RBPJ: variants seen among roughly 807,000 people sequenced by gnomAD.
RBPJ encodes the protein recombination signal binding protein for immunoglobulin kappa J region, also known as recombining binding protein suppressor of hairless.
Under a neutral mutation model 67.8 loss-of-function variants are expected in RBPJ, and 9 were observed. The observed-to-expected ratio is 0.13, with a 90% CI of 0.08 to 0.23. The LOEUF (loss-of-function observed/expected upper bound fraction) is 0.23. RBPJ is among the 10% of genes least tolerant of loss of function. RBPJ has a pLI of 1.00. For synonymous variants in RBPJ, 198 were observed against 203.3 expected, an observed-to-expected ratio of 0.97 and a Z score of 0.22; for missense variants, 305 against 595.6, an observed-to-expected ratio of 0.51 and a Z score of 5.08.
At chr4:26,165,665 C>A (rs7658482) in intron 1 of RBPJ, among the ~76,000 whole-genome samples, 84,300 of 151,500 alleles carry the variant, frequency 0.56, 23,659 homozygotes, top group South Asian at 0.68. Flanking sequence ...TGAAGTAAAG[C>A]TATTTTAAGG....
chr4:26,122,324 G>A, the RBPJ span, among the ~76,000 whole-genome samples: 1 of 152,120 alleles, frequency 6.6e-6, no homozygotes, highest in Non-Finnish European at 1.5e-5. Flanking sequence ...TTCCCATTAA[G>A]TTGATTTGGG....
chr4:26,228,981 T>C (rs1719181070), intron 1 of RBPJ, among the ~76,000 whole-genome samples: 1 of 152,208 alleles, frequency 6.6e-6, no homozygotes, highest in Non-Finnish European at 1.5e-5. Context: ...ATAAAACAAC[T>C]ATTGGCTGAT....
chr4:26,289,504 T>G, intron 1 of RBPJ, among the ~76,000 whole-genome samples: 1 of 146,998 alleles, frequency 6.8e-6, no homozygotes, highest in Admixed American at 6.8e-5. Context: ...GCAGCAGAGG[T>G]GAAAAGAGAA....
intron 1 of RBPJ, among the ~76,000 whole-genome samples, chr4:26,244,965 G>A (rs750753007): frequency 2.6e-4 from 39 of 151,326 alleles, no homozygotes; most frequent in African/African-American, 8.2e-4. Flanking sequence ...TTTAAATGCC[G>A]ATTGTTATTT....
chr4:26,219,937 A>G lies in RBPJ; in HGVS notation c.-167+56323A>G, dbSNP rs528842948. On this transcript the variant is annotated intron_variant, in intron 1 of 4. Coordinates refer to the RBPJ transcript ENST00000512351. ...ACCACAGGCACCCACCACCACGCCC[A>G]ACTAATTTTTTTTTTTTTTGTATTT... Among the ~76,000 whole-genome samples the G allele has an allele frequency of 4.0e-3, 411 of 104,008 alleles. 3 individuals are homozygous for G. The highest frequency in any genetic ancestry group is 0.013 in the African/African-American group (379 of 28,416). The allele number at this position is 104,008 out of a possible 152,430, so 68.2% of individuals were successfully genotyped here.
At chr4:26,155,469 C>G in the RBPJ span, among the ~76,000 whole-genome samples, 5 of 140,694 alleles carry the variant, frequency 3.6e-5, no homozygotes, top group African/African-American at 1.1e-4. Flanking sequence ...GAGTCTTGCT[C>G]TGTTGCCCAG....
intron 1 of RBPJ, among the ~76,000 whole-genome samples, chr4:26,287,857 C>T (rs1721534793): frequency 6.6e-6 from 1 of 151,718 alleles, no homozygotes; most frequent in Non-Finnish European, 1.5e-5. Context: ...TAGAAGAAGA[C>T]CAGGGAAGGG....
Position 26,430,870 on chromosome 4 carries a change from G to A in RBPJ, c.1327G>A (p.Ala443Thr). ...PEPGPRPHCSAAGAILRANSS... is the reference protein window; with the variant it reads ...PEPGPRPHCSTAGAILRANSS... ...ACCAGGGCCGCGGCCACATTGCAGT[G>A]CAGCAGGAGCAATCCTTCGAGCCAA... is the stretch of plus-strand genomic sequence containing the variant. Residue 443 changes from alanine to threonine, a missense_variant, in exon 11 of 11, where the codon GCA becomes ACA. Coordinates refer to ENST00000355476, the MANE Select transcript of RBPJ (RefSeq NM_015874.6). This position sits in a 1 kb window ranked among gnomAD's most constrained non-coding sequence, Gnocchi z 4.1. 2 of 1,614,012 alleles carry A rather than the reference G, an allele frequency of 1.2e-6. No individual in the cohort carries two copies. Among genetic ancestry groups the A allele is most frequent in the Non-Finnish European group, 1.7e-6 (2 of 1,180,006 alleles).
chr4:26,327,144 T>C (rs557408619), intron 1 of RBPJ, among the ~76,000 whole-genome samples: 30 of 152,272 alleles, frequency 2.0e-4, no homozygotes, highest in African/African-American at 7.2e-4. Flanking sequence ...AACATCATGG[T>C]GTTGCTTATG....
intron 1 of RBPJ, among the ~76,000 whole-genome samples, chr4:26,168,582 T>C (rs1716416021): frequency 6.6e-6 from 1 of 152,210 alleles, no homozygotes; most frequent in African/African-American, 2.4e-5. Context: ...AATATCTTTG[T>C]GGTGTTCTCT....
the RBPJ span, among the ~76,000 whole-genome samples, chr4:26,120,350 C>T: frequency 2.0e-5 from 3 of 152,122 alleles, no homozygotes; most frequent in Non-Finnish European, 4.4e-5. Flanking sequence ...AGTACCACTA[C>T]AGTAAACACC....
intron 3 of RBPJ, among the ~76,000 whole-genome samples, chr4:26,408,738 C>T (rs1440933713): frequency 6.6e-6 from 1 of 152,128 alleles, no homozygotes; most frequent in African/African-American, 2.4e-5. Flanking sequence ...TAAATGTGTC[C>T]AGGTTGACAT....
intron 2 of RBPJ, among the ~76,000 whole-genome samples, 184 bp from the exon 3 acceptor site, chr4:26,405,991 T>G (rs1213030577): frequency 6.6e-6 from 1 of 152,222 alleles, no homozygotes; most frequent in Non-Finnish European, 1.5e-5. Flanking sequence ...GCAGTATTCA[T>G]TGTATCATTG....
intron 2 of RBPJ, among the ~76,000 whole-genome samples, chr4:26,400,273 T>G (rs1286402600): frequency 6.6e-6 from 1 of 152,228 alleles, no homozygotes; most frequent in African/African-American, 2.4e-5. Context: ...TTCTTGACAT[T>G]TGGCACCATC....
intron 1 of RBPJ, among the ~76,000 whole-genome samples, chr4:26,178,480 C>T (rs533161563): frequency 1.1e-3 from 161 of 151,982 alleles, no homozygotes; most frequent in Non-Finnish European, 2.0e-3. Flanking sequence ...TGATGGTGCA[C>T]GCCTGTGGTC....
chr4:26,403,632 G>C (rs571445485), intron 2 of RBPJ, among the ~76,000 whole-genome samples: 1 of 152,112 alleles, frequency 6.6e-6, no homozygotes, highest in African/African-American at 2.4e-5. Context: ...GAGAACATGC[G>C]ATATTTGTTT....
At chr4:26,116,735 C>T in the RBPJ span, among the ~76,000 whole-genome samples, 1 of 152,214 alleles carries the variant, frequency 6.6e-6, no homozygotes, top group Non-Finnish European at 1.5e-5. Context: ...TTGTGGATGC[C>T]ACTGCCACCT....
chr4:26,109,513 T>TATGTAC, the RBPJ span, among the ~76,000 whole-genome samples: 1 of 47,474 alleles, frequency 2.1e-5, no homozygotes, highest in African/African-American at 1.1e-4. Flanking sequence ...TATATATATA[T>TATGTAC]ACACACACAC....
intron 1 of RBPJ, among the ~76,000 whole-genome samples, chr4:26,196,740 A>G (rs887262381): frequency 1.3e-5 from 2 of 152,154 alleles, no homozygotes; most frequent in African/African-American, 4.8e-5. Flanking sequence ...TTGAGATAAA[A>G]CAGATGTCGG....
Sources: gnomAD v4.1 joint callset for allele counts (sites outside exome capture counted in the v4.1 genomes callset) on GRCh38, gnomAD v4.1.1 for gene constraint, Gnocchi (gnomAD v3.1) non-coding constraint, MANE v1.5 for transcripts, NCBI Gene and HGNC (gene_info 2026-07-23, HGNC 2026-07-21) for gene names.